Variants in CEP192 observed in about 807,000 individuals in gnomAD.
CEP192 encodes centrosomal protein of 192 kDa.
In CEP192, 151 loss-of-function variants were observed where a neutral mutation model predicts 271.8. The observed-to-expected ratio is 0.56, with a 90% CI of 0.49 to 0.64. CEP192 has a LOEUF of 0.64. Ranked by LOEUF, CEP192 falls within the 30% of genes least tolerant of loss-of-function variation. CEP192 has a pLI of 0.00. For missense variants in CEP192, 2,910 were observed against 3,020.5 expected, an observed-to-expected ratio of 0.96 and a Z score of 0.86; for synonymous variants, 995 against 1,076.5, an observed-to-expected ratio of 0.92 and a Z score of 1.48.
chr18:13,029,560 A>G, intron 9 of CEP192, 103 bp from the exon 10 acceptor site: 2 of 712,442 alleles, frequency 2.8e-6, no homozygotes, highest in Non-Finnish European at 4.6e-6. Flanking sequence ...TATAATAAAC[A>G]TTTTATATCA....
chr18:13,113,611 G>A lies in CEP192; in HGVS notation c.7073G>A (p.Gly2358Asp), dbSNP rs2040304944. The A allele has an allele frequency of 1.2e-6, 2 of 1,613,276 alleles. No individual in the cohort carries two copies. Among genetic ancestry groups the A allele is most frequent in the Non-Finnish European group, 8.5e-7 (1 of 1,179,600 alleles). The change falls in exon 41 of 45, where the codon GGT (glycine) becomes GAT (aspartate). Residue 2358 changes from glycine (G) to aspartate (D), a missense_variant. Transcript: ENST00000506447. The part of the protein sequence containing the change: ...QKVSITFLPR[G>D]RGDYAQFWDV... ...GTCTCCATCACATTTTTGCCCAGAGGTAGGGGGGATTATGCCCAGTTTTGG... is the reference window on the plus strand; with the variant it reads ...GTCTCCATCACATTTTTGCCCAGAGATAGGGGGGATTATGCCCAGTTTTGG...
At chr18:13,043,657 A>G (rs1173014875) in intron 15 of CEP192, among the ~76,000 whole-genome samples, 1 of 152,202 alleles carries the variant, frequency 6.6e-6, no homozygotes, top group Admixed American at 6.5e-5. Context: ...ACTAACCACC[A>G]ACAACCCTGT....
chr18:13,075,981 C>T (rs559369537), intron 30 of CEP192, among the ~76,000 whole-genome samples: 24 of 152,226 alleles, frequency 1.6e-4, no homozygotes, highest in African/African-American at 5.8e-4. Flanking sequence ...TGTGTTACCC[C>T]CAGGGGACAT....
Position 13,049,174 on chromosome 18 carries a change from A to G in CEP192, c.2383A>G (p.Ser795Gly). 2.5e-6 allele frequency: 4 copies of G among 1,614,028 alleles called. No individual in the cohort carries two copies. The highest frequency in any genetic ancestry group is 3.4e-6 in the Non-Finnish European group (4 of 1,179,998). The change falls in exon 16 of 45, where the codon AGT (serine) becomes GGT (glycine). Residue 795 changes from serine to glycine, a missense_variant. Coordinates refer to ENST00000506447, the MANE Select transcript of CEP192 (RefSeq NM_032142.4). ...LKKTEVSRYE[S>G]ALENFSRASM... ...AAAAACAGAAGTTAGTAGATATGAA[A>G]GTGCATTGGAAAACTTTTCAAGGGC...
chr18:13,101,052 A>G (rs2039680248), intron 38 of CEP192, among the ~76,000 whole-genome samples: 1 of 152,224 alleles, frequency 6.6e-6, no homozygotes, highest in Admixed American at 6.5e-5. Context: ...ACGTGCATTC[A>G]GTGAAAATCG....
At chr18:13,078,297 G>A (rs527287781) in intron 30 of CEP192, among the ~76,000 whole-genome samples, 71 of 152,174 alleles carry the variant, frequency 4.7e-4, no homozygotes, top group Non-Finnish European at 8.7e-4. Context: ...ATTCTATGGT[G>A]TATATGTGCC....
chr18:13,030,746 A>G (rs762177510), intron 11 of CEP192, 138 bp downstream of exon 11: 2 of 655,502 alleles, frequency 3.1e-6, no homozygotes, highest in East Asian at 2.7e-5. Flanking sequence ...ACTTGTTTTT[A>G]TAGGACCCAA....
chr18:13,014,810 A>G (rs2145927415), intron 5 of CEP192, among the ~76,000 whole-genome samples: 1 of 152,280 alleles, frequency 6.6e-6, no homozygotes, highest in Non-Finnish European at 1.5e-5. Flanking sequence ...TGTAATATAT[A>G]TGAAATATAA....
rs368600841 is a variant in CEP192, at chr18:13,068,128, A to G, written c.4649A>G (p.Lys1550Arg). The G allele has an allele frequency of 1.2e-5, 19 of 1,614,110 alleles. No individual in the cohort carries two copies. Among genetic ancestry groups the G allele is most frequent in the Non-Finnish European group, 1.6e-5 (19 of 1,180,048 alleles). ...GCCTGGCGCTGTTTCACGTTTTCCAAGGAATCCGTCCGAGCTCCTGTGGAA... is the reference window on the plus strand; with the variant it reads ...GCCTGGCGCTGTTTCACGTTTTCCAGGGAATCCGTCCGAGCTCCTGTGGAA... ...AVAWRCFTFSKESVRAPVEVA... is the reference protein window; with the variant it reads ...AVAWRCFTFSRESVRAPVEVA... Residue 1550 changes from lysine to arginine, a missense_variant, in exon 23 of 45, where the codon AAG becomes AGG. Physicochemically the swap from Lys to Arg is conservative, Grantham distance 26. Transcript: ENST00000506447.
chr18:13,104,913 GT>G, intron 39 of CEP192, 70 bp from the exon 40 acceptor site: 1 of 1,108,792 alleles, frequency 9.0e-7, no homozygotes, highest in Admixed American at 1.7e-5. Context: ...AGCCATAGAG[GT>G]AATAGTGTCT....
Position 13,029,431 on chromosome 18 carries a change from T to A in CEP192, c.1051-232T>A, listed in dbSNP as rs1036054937. Among the ~76,000 whole-genome samples the A allele has an allele frequency of 1.5e-4, 23 of 152,250 alleles. 1 individual carries two copies. Among genetic ancestry groups the A allele is most frequent in the African/African-American group, 5.3e-4 (22 of 41,460 alleles). On this transcript the variant is annotated intron_variant, in intron 9 of 44. Transcript: ENST00000506447. ...AGAGCTCACTTTTGGTATGTAAATC[T>A]CTTGATGTGTTTCCTATGACCACAT... is the stretch of plus-strand genomic sequence containing the variant.
At chr18:13,087,720 GGAATTTTTA>G (rs2038962982) in intron 32 of CEP192, 74 bp downstream of exon 32, 3 of 648,012 alleles carry the variant, frequency 4.6e-6, no homozygotes, top group Non-Finnish European at 7.3e-6. Flanking sequence ...CTTGGGATTT[GGAATTTTTA>G]GAGTATTTCA....
At chr18:13,025,942 A>C (rs2035273285) in intron 9 of CEP192, among the ~76,000 whole-genome samples, 1 of 152,192 alleles carries the variant, frequency 6.6e-6, no homozygotes, top group Non-Finnish European at 1.5e-5. Context: ...ACCTTTACTT[A>C]TTCTGTCTTT....
At position 13,096,312 on chromosome 18, in the gene CEP192, G is replaced by A. The variant is rs1410625319; in HGVS notation, c.6557+5G>A. The A allele has an allele frequency of 1.2e-6, 2 of 1,612,440 alleles. No homozygotes were observed. Among genetic ancestry groups the A allele is most frequent in the African/African-American group, 1.3e-5 (1 of 74,902 alleles). The stretch of plus-strand genomic sequence containing the variant: ...GCATGGATGTGTCGCGCCAGAGTAA[G>A]TCTGACTTCTGTGTTGCTCTGCGTG... On this transcript the variant is annotated splice_donor_5th_base_variant and intron_variant, in intron 36 of 44. Coordinates refer to ENST00000506447, the MANE Select transcript of CEP192 (RefSeq NM_032142.4).
intron 40 of CEP192, among the ~76,000 whole-genome samples, chr18:13,109,429 AC>A (rs1199354178): frequency 1.3e-5 from 2 of 152,156 alleles, no homozygotes; most frequent in African/African-American, 4.8e-5. Context: ...ACTATTGGGT[AC>A]TATGCTCAGT....
At chr18:13,111,427 A>G (rs2040205864) in intron 40 of CEP192, among the ~76,000 whole-genome samples, 1 of 152,172 alleles carries the variant, frequency 6.6e-6, no homozygotes, top group African/African-American at 2.4e-5. Flanking sequence ...GCCCGGCCTG[A>G]GTTGACACCT....
chr18:13,099,518 C>T lies in CEP192; in HGVS notation c.6600C>T (p.Ser2200=), dbSNP rs1598601917. ...QILVSPNSSL[S]TKQSMFPWSG... ...TTGTGAGTCCTAATTCCTCCTTATCCACAAAACAGTCAATGTTCCCGTGGA... is the reference window on the plus strand; with the variant it reads ...TTGTGAGTCCTAATTCCTCCTTATCTACAAAACAGTCAATGTTCCCGTGGA... Residue 2200 remains serine (S), a synonymous_variant, in exon 37 of 45, where the codon TCC becomes TCT. Coordinates refer to ENST00000506447, the MANE Select transcript of CEP192 (RefSeq NM_032142.4). 5.0e-6 allele frequency: 8 copies of T among 1,602,346 alleles called. No homozygotes were observed. Among genetic ancestry groups the T allele is most frequent in the Non-Finnish European group, 6.8e-6 (8 of 1,174,370 alleles).
chr18:13,018,652 C>G (rs535735458), intron 8 of CEP192, 37 bp downstream of exon 8: 1 of 1,360,228 alleles, frequency 7.4e-7, no homozygotes, highest in Non-Finnish European at 9.8e-7. Flanking sequence ...TTCTTAAGTT[C>G]TAGTTTTGAC....
chr18:13,028,605 C>T (rs757476441), intron 9 of CEP192, among the ~76,000 whole-genome samples: 5 of 152,086 alleles, frequency 3.3e-5, no homozygotes, highest in Non-Finnish European at 7.4e-5. Context: ...CTGCAACCTC[C>T]GCCTCCCAGG....
Sources: allele counts gnomAD v4.1 joint callset (sites outside exome capture counted in the v4.1 genomes callset), GRCh38; gene constraint gnomAD v4.1.1; transcripts MANE v1.5; gene names NCBI Gene and HGNC (gene_info 2026-07-23, HGNC 2026-07-21).